PPP3CA: variants seen among roughly 807,000 people sequenced by gnomAD.
PPP3CA encodes the protein protein phosphatase 3 catalytic subunit alpha.
A neutral mutation model predicts 66.5 loss-of-function variants in PPP3CA; 14 were observed. That is an observed-to-expected ratio of 0.21 (90% CI 0.14 to 0.33). The LOEUF is 0.33. Among genes scored for constraint, PPP3CA ranks in the 10% least tolerant of loss-of-function variants. The pLI is 1.00. For synonymous variants in PPP3CA, 232 were observed against 226.2 expected (o/e 1.03, Z -0.23); for missense variants, 317 against 639.5 (o/e 0.50, Z 5.44).
intron 1 of PPP3CA, among the ~76,000 whole-genome samples, chr4:101,263,659 T>C (rs1329444504): frequency 6.6e-6 from 1 of 151,626 alleles, no homozygotes; most frequent in Non-Finnish European, 1.5e-5. Context: ...CCCCCACCCA[T>C]ATGCACACAC....
chr4:101,038,999 A>C (rs765358953), intron 11 of PPP3CA, among the ~76,000 whole-genome samples: 2 of 146,756 alleles, frequency 1.4e-5, no homozygotes, highest in Non-Finnish European at 3.1e-5. Flanking sequence ...CAGAGACTTC[A>C]GACAGAATAA....
Position 101,023,640 on chromosome 4 carries a change from T to C in PPP3CA, c.*2225A>G, listed in dbSNP as rs967889005. The C allele has an allele frequency of 6.6e-6, 1 of 152,624 alleles. No individual in the cohort carries two copies. Among genetic ancestry groups the C allele is most frequent in the Non-Finnish European group, 1.5e-5 (1 of 68,034 alleles). 9.5% of individuals were successfully genotyped at this position (152,624 alleles called of 1,614,324 possible). A position where few individuals can be genotyped will look rare whatever the true frequency, so the allele number is the denominator to read the frequency against. The stretch of plus-strand genomic sequence containing the variant: ...TCTAAATATTTTCCTTGGTTGCCAC[T>C]TTTTTTAGGATGGAGAAATATCCAC... On this transcript the variant is annotated 3_prime_UTR_variant, in exon 14 of 14. Coordinates refer to ENST00000394854, the MANE Select transcript of PPP3CA (RefSeq NM_000944.5).
chr4:101,259,642 T>C (rs151084536), intron 1 of PPP3CA, among the ~76,000 whole-genome samples: 20 of 152,286 alleles, frequency 1.3e-4, no homozygotes, highest in Admixed American at 1.1e-3. Flanking sequence ...CAGATTTATT[T>C]ATAGTGTCAC....
intron 1 of PPP3CA, among the ~76,000 whole-genome samples, chr4:101,227,549 C>CA (rs1725822356): frequency 6.6e-6 from 1 of 151,646 alleles, no homozygotes; most frequent in African/African-American, 2.4e-5. Flanking sequence ...TCTCATCATC[C>CA]AACAGGCCTT....
chr4:101,311,112 T>TCCAAGTATAAA (rs1728708052), intron 1 of PPP3CA, among the ~76,000 whole-genome samples: 1 of 152,210 alleles, frequency 6.6e-6, no homozygotes, highest in African/African-American at 2.4e-5. Context: ...AGCTTGCAAA[T>TCCAAGTATAAA]CCAAGTATAA....
chr4:101,227,143 TACAC>T (rs1022947637), intron 1 of PPP3CA, among the ~76,000 whole-genome samples: 8 of 129,856 alleles, frequency 6.2e-5, no homozygotes, highest in Admixed American at 4.5e-4. Flanking sequence ...CATACATACA[TACAC>T]ATAAATGACA....
intron 1 of PPP3CA, among the ~76,000 whole-genome samples, chr4:101,320,630 G>C (rs1057256452): frequency 6.6e-6 from 1 of 152,038 alleles, no homozygotes; most frequent in African/African-American, 2.4e-5. Flanking sequence ...CAATGCTTCT[G>C]GCTAAAAACC....
chr4:101,251,135 T>C (rs938146632), intron 1 of PPP3CA, among the ~76,000 whole-genome samples: 1 of 152,022 alleles, frequency 6.6e-6, no homozygotes, highest in Non-Finnish European at 1.5e-5. Context: ...ATAGCAATGA[T>C]ATTCTTAGCT....
rs1030290730 is a variant in PPP3CA at position 101,155,928 on chromosome 4, C to T, written c.259+39988G>A. Among the ~76,000 whole-genome samples, 9 of 152,238 alleles carry T rather than the reference C, an allele frequency of 5.9e-5. No homozygotes were observed. In the East Asian group the frequency reaches 1.7e-3, roughly 29 times the overall value. On this transcript the variant is annotated intron_variant, in intron 2 of 13. Transcript: ENST00000394854. ...AAGGCAGCAGCTAATATTCATTGAG[C>T]TCTTATCATGTGCTGTGTATTGTTT...
chr4:101,295,276 C>A (rs1004408327), intron 1 of PPP3CA, among the ~76,000 whole-genome samples: 2 of 146,282 alleles, frequency 1.4e-5, no homozygotes, highest in South Asian at 4.4e-4. Context: ...AGTCCGCAGT[C>A]CGGCCTGGGT....
intron 1 of PPP3CA, among the ~76,000 whole-genome samples, chr4:101,235,690 C>G (rs1004987202): frequency 2.0e-5 from 3 of 151,780 alleles, no homozygotes; most frequent in African/African-American, 7.3e-5. Flanking sequence ...CCATTGATAT[C>G]TGTCTTGTGG....
At chr4:101,255,433 A>G (rs1261692210) in intron 1 of PPP3CA, among the ~76,000 whole-genome samples, 3 of 151,872 alleles carry the variant, frequency 2.0e-5, no homozygotes, top group Non-Finnish European at 4.4e-5. Context: ...CAGTTTTTAC[A>G]TTTTTCAGTT....
intron 1 of PPP3CA, among the ~76,000 whole-genome samples, chr4:101,345,086 G>A (rs1444127921): frequency 6.6e-6 from 1 of 152,092 alleles, no homozygotes; most frequent in East Asian, 1.9e-4. Flanking sequence ...TAAAATAGCT[G>A]TGCATCTCTC....
chr4:101,245,250 C>T lies in PPP3CA; in HGVS notation c.59-49134G>A, dbSNP rs114304018. On this transcript the variant is annotated intron_variant, in intron 1 of 13. Transcript: ENST00000394854. ...GCACTTGTTTATCACATGTTTAATT[C>T]GCCATCTTCTCCCAAAGAGCACTAG... Among the ~76,000 whole-genome samples, 1,112 of 152,210 alleles carry T rather than the reference C, an allele frequency of 7.3e-3. 11 individuals are homozygous for T. Among genetic ancestry groups the T allele is most frequent in the African/African-American group, 0.026 (1,062 of 41,540 alleles).
rs142568959 is a variant in PPP3CA at position 101,163,399 on chromosome 4, C to G, written c.259+32517G>C. On this transcript the variant is annotated intron_variant, in intron 2 of 13. Coordinates refer to ENST00000394854, the MANE Select transcript of PPP3CA (RefSeq NM_000944.5). ...AGAAAAACTAATGATCTGAATCTAT[C>G]AATTCAGGATATGCATTGGCCCACA... Among the ~76,000 whole-genome samples, 327 of 152,298 alleles carry G rather than the reference C, an allele frequency of 2.1e-3. 4 individuals are homozygous for G. Among genetic ancestry groups the G allele is most frequent in the African/African-American group, 7.4e-3 (309 of 41,546 alleles).
At chr4:101,060,928 T>C (rs1350904248) in intron 10 of PPP3CA, among the ~76,000 whole-genome samples, 159 bp downstream of exon 10, 1 of 152,188 alleles carries the variant, frequency 6.6e-6, no homozygotes, top group Non-Finnish European at 1.5e-5. Flanking sequence ...TTCTTATACT[T>C]TTAAAAAGTA....
At chr4:101,285,887 T>C (rs1362221433) in intron 1 of PPP3CA, among the ~76,000 whole-genome samples, 2 of 152,110 alleles carry the variant, frequency 1.3e-5, no homozygotes, top group East Asian at 1.9e-4. Context: ...ATTTACACAA[T>C]GAAAACAGAA....
chr4:101,278,093 A>T (rs1438098019), intron 1 of PPP3CA, among the ~76,000 whole-genome samples: 1 of 150,188 alleles, frequency 6.7e-6, no homozygotes, highest in African/African-American at 2.5e-5. Flanking sequence ...GGCACCAAAC[A>T]TAAAAAATGA....
intron 1 of PPP3CA, among the ~76,000 whole-genome samples, chr4:101,340,803 A>G (rs1292336255): frequency 1.3e-5 from 2 of 152,202 alleles, no homozygotes; most frequent in Non-Finnish European, 2.9e-5. Context: ...TGCTCTAGAA[A>G]TTAACAAAAT....
Sources: allele counts gnomAD v4.1 joint callset (sites outside exome capture counted in the v4.1 genomes callset), GRCh38; gene constraint gnomAD v4.1.1; transcripts MANE v1.5; gene names NCBI Gene and HGNC (gene_info 2026-07-23, HGNC 2026-07-21).